The following COL4A6 variants were observed in gnomAD, a reference collection of about 807,000 sequenced individuals.
COL4A6 encodes the protein collagen type IV alpha 6 chain, also known as collagen alpha-6(IV) chain.
In COL4A6, 59 loss-of-function variants were observed where a neutral mutation model predicts 126.7. The ratio of observed to expected loss-of-function variants is 0.47; its 90% CI spans 0.38 to 0.58. The LOEUF (loss-of-function observed/expected upper bound fraction) is 0.58, where lower values mean the gene tolerates loss of function less well. Ranked by LOEUF, COL4A6 falls within the 20% of genes least tolerant of loss-of-function variation. The pLI is 0.00. For missense variants in COL4A6, 1,285 were observed against 1,337.3 expected (o/e 0.96, Z 0.61); for synonymous variants, 547 against 496.6 (o/e 1.10, Z -1.35).
intron 37 of COL4A6, 128 bp downstream of exon 37, chrX:108,169,367 G>A: frequency 2.2e-6 from 2 of 898,453 alleles, no homozygotes; most frequent in Non-Finnish European, 3.1e-6. Context: ...CCACTGGGTT[G>A]TGAGACTCCC....
intron 2 of COL4A6, among the ~76,000 whole-genome samples, chrX:108,333,648 A>T (rs1290177851): frequency 9.0e-6 from 1 of 111,716 alleles, no homozygotes; most frequent in Admixed American, 9.5e-5. Context: ...TGATGATATG[A>T]TCTTATATCT....
intron 3 of COL4A6, among the ~76,000 whole-genome samples, chrX:108,272,988 G>A (rs2037494931): frequency 9.1e-6 from 1 of 109,534 alleles, no homozygotes; most frequent in Non-Finnish European, 1.9e-5. Context: ...ACAACTTGCA[G>A]GTTTGTTACA....
intron 3 of COL4A6, among the ~76,000 whole-genome samples, chrX:108,277,302 C>T (rs986395527): frequency 4.5e-5 from 5 of 111,992 alleles, no homozygotes; most frequent in South Asian, 7.5e-4. Context: ...TGCGCTTTTC[C>T]GGTGGGCTTA....
chrX:108,279,268 C>T (rs1340907229), intron 3 of COL4A6, among the ~76,000 whole-genome samples: 1 of 110,859 alleles, frequency 9.0e-6, no homozygotes, highest in Non-Finnish European at 1.9e-5. Flanking sequence ...CAGAGACACA[C>T]ATAGGCTCAA....
chrX:108,276,082 CT>C lies in COL4A6; in HGVS notation c.144+34665del, dbSNP rs1274835393. On this transcript the variant is annotated intron_variant, in intron 3 of 44. Coordinates refer to ENST00000334504, the MANE Select transcript of COL4A6 (RefSeq NM_033641.4). The stretch of plus-strand genomic sequence containing the variant: ...AGTGAGGAAATTTCATTCGTGATTT[CT>C]CAAGAATGGAATTTATCCAAGAAAA... Among the ~76,000 whole-genome samples, 8 of 112,937 alleles carry C rather than the reference CT, an allele frequency of 7.1e-5. No individual in the cohort carries two copies. In the South Asian group the frequency reaches 1.1e-3, roughly 16 times the overall value.
intron 2 of COL4A6, among the ~76,000 whole-genome samples, chrX:108,365,132 G>A (rs1292562879): frequency 1.8e-5 from 2 of 111,771 alleles, no homozygotes; most frequent in Non-Finnish European, 3.8e-5. Flanking sequence ...ATTTCTTTCT[G>A]TAACCTTTTC....
intron 3 of COL4A6, among the ~76,000 whole-genome samples, chrX:108,265,899 T>A (rs1435039588): frequency 1.8e-5 from 2 of 110,273 alleles, no homozygotes; most frequent in African/African-American, 6.6e-5. Context: ...CAGGAAAATG[T>A]CAAAATGCAG....
chrX:108,357,421 C>T (rs2039984314), intron 2 of COL4A6, among the ~76,000 whole-genome samples: 1 of 111,187 alleles, frequency 9.0e-6, no homozygotes, highest in South Asian at 3.9e-4. Flanking sequence ...CCTAAAATAC[C>T]ACTCCAACCT....
At chrX:108,200,374 C>T (rs188487705) in intron 13 of COL4A6, among the ~76,000 whole-genome samples, 3 of 112,400 alleles carry the variant, frequency 2.7e-5, no homozygotes, top group Non-Finnish European at 3.8e-5. Context: ...CAGTACATCT[C>T]ATTTCAGATC....
intron 27 of COL4A6, among the ~76,000 whole-genome samples, chrX:108,178,457 G>T (rs964345116): frequency 8.9e-6 from 1 of 112,694 alleles, no homozygotes; most frequent in South Asian, 3.7e-4. Flanking sequence ...GAGGAGGCGG[G>T]GGGAGGGGAA....
chrX:108,266,717 T>C (rs145947755), intron 3 of COL4A6, among the ~76,000 whole-genome samples: 2,470 of 111,940 alleles, frequency 0.022, 28 homozygotes, highest in Non-Finnish European at 0.035. Context: ...AATAATTTGC[T>C]GAAGCATTTA....
rs191808642 is a variant in COL4A6 at position 108,207,667 on chromosome X, C to T, written c.547-1087G>A. Among the ~76,000 whole-genome samples the T allele has an allele frequency of 1.9e-3, 212 of 111,062 alleles. 1 individual carries two copies. Among genetic ancestry groups the T allele is most frequent in the African/African-American group, 6.6e-3 (203 of 30,537 alleles). On this transcript the variant is annotated intron_variant, in intron 8 of 44. Transcript: ENST00000334504. ...GATGGTTGCATCTGTATGGAACATA[C>T]GCAAATTCTTTTTTGTTACTATTCC...
chrX:108,221,287 T>A lies in COL4A6; in HGVS notation c.232A>T (p.Arg78Trp). 1 of 1,211,664 alleles carries A rather than the reference T, an allele frequency of 8.3e-7. No homozygotes were observed. Among genetic ancestry groups the A allele is most frequent in the Non-Finnish European group, 1.1e-6 (1 of 895,234 alleles). The change falls in exon 4 of 45, where the codon AGG becomes TGG. Residue 78 changes from arginine to tryptophan, a missense_variant. Arg to Trp is a moderately radical substitution (Grantham distance 101). Coordinates refer to ENST00000334504, the MANE Select transcript of COL4A6 (RefSeq NM_033641.4). Reference sequence around the variant, plus strand: ...GGTCCCAGAAGGCCTGGGAAACCCCTTTCTCCTTTCAATCCCGATAAACCA... The same window carrying A: ...GGTCCCAGAAGGCCTGGGAAACCCCATTCTCCTTTCAATCCCGATAAACCA... ...STGLSGLKGE[R>W]GFPGLLGPYG... is the part of the protein sequence containing the mutation.
chrX:108,207,079 A>T (rs1266891032), intron 8 of COL4A6, among the ~76,000 whole-genome samples: 1 of 111,925 alleles, frequency 8.9e-6, no homozygotes, highest in African/African-American at 3.2e-5. Flanking sequence ...ACATACACTT[A>T]AGAGTTAGGT....
intron 2 of COL4A6, among the ~76,000 whole-genome samples, chrX:108,347,947 C>G (rs756167453): frequency 1.8e-5 from 2 of 110,451 alleles, no homozygotes; most frequent in South Asian, 7.9e-4. Context: ...CTGCAGGCAG[C>G]AGGAAACAAG....
At chrX:108,291,389 T>C (rs1316895171) in intron 3 of COL4A6, among the ~76,000 whole-genome samples, 1 of 112,429 alleles carries the variant, frequency 8.9e-6, no homozygotes, top group Non-Finnish European at 1.9e-5. Flanking sequence ...TTGTTTTCCA[T>C]AATTCTCACT....
intron 2 of COL4A6, among the ~76,000 whole-genome samples, chrX:108,399,069 A>G (rs754965146): frequency 9.0e-6 from 1 of 111,267 alleles, no homozygotes; most frequent in Non-Finnish European, 1.9e-5. Context: ...GGGAGGCATT[A>G]TATCTATTTT....
At chrX:108,187,004 T>C (rs1456289933) in intron 23 of COL4A6, 92 bp downstream of exon 23, 3 of 763,678 alleles carry the variant, frequency 3.9e-6, no homozygotes, top group South Asian at 5.0e-5. Context: ...CAGACAAGTC[T>C]CTTCTTATGA....
chrX:108,213,846 C>A, intron 6 of COL4A6: 1 of 311,065 alleles, frequency 3.2e-6, no homozygotes. Flanking sequence ...AAATTTACTA[C>A]AGCCTTTTAA....
Sources: gnomAD v4.1 joint callset for allele counts (sites outside exome capture counted in the v4.1 genomes callset) on GRCh38, gnomAD v4.1.1 for gene constraint, MANE v1.5 for transcripts, NCBI Gene and HGNC (gene_info 2026-07-23, HGNC 2026-07-21) for gene names.